Variants in TSC22D2 observed in about 807,000 individuals in gnomAD.
TSC22D2 encodes the protein TSC22 domain family protein 2.
Under a neutral mutation model 50.1 loss-of-function variants are expected in TSC22D2, and 5 were observed. The ratio of observed to expected loss-of-function variants is 0.10; its 90% confidence interval spans 0.05 to 0.21. The LOEUF (loss-of-function observed/expected upper bound fraction) is 0.21. Ranked by LOEUF, TSC22D2 falls within the 10% of genes least tolerant of loss-of-function variation. TSC22D2 has a pLI of 1.00. For missense variants in TSC22D2, 1,003 were observed against 1,015.5 expected, an observed-to-expected ratio of 0.99 and a Z score of 0.17; for synonymous variants, 501 against 450.1, an observed-to-expected ratio of 1.11 and a Z score of -1.43.
intron 1 of TSC22D2, among the ~76,000 whole-genome samples, chr3:150,455,230 G>A (rs1006125822): frequency 6.6e-6 from 1 of 152,174 alleles, no homozygotes; most frequent in Non-Finnish European, 1.5e-5. Flanking sequence ...AGTATTTGTG[G>A]TGAATATGTC....
intron 1 of TSC22D2, among the ~76,000 whole-genome samples, chr3:150,451,907 CTCTGTCACCCAGGCTGGA>C (rs1275705215): frequency 5.9e-5 from 9 of 152,102 alleles, no homozygotes; most frequent in Non-Finnish European, 8.8e-5. Flanking sequence ...ACAGATCTGG[CTCTGTCACCCAGGCTGGA>C]GTGCAGTAAT....
chr3:150,446,608 C>T (rs986049108), intron 1 of TSC22D2, among the ~76,000 whole-genome samples: 3 of 152,118 alleles, frequency 2.0e-5, no homozygotes, highest in Non-Finnish European at 2.9e-5. Flanking sequence ...AAAGACTAGG[C>T]TTTCCCCCCA....
At position 150,409,564 on chromosome 3, in the gene TSC22D2, C is replaced by T. The variant is rs1719418649; in HGVS notation, c.214C>T (p.Leu72Phe). The T allele has an allele frequency of 1.2e-6, 2 of 1,601,298 alleles. No homozygotes were observed. Among genetic ancestry groups the T allele is most frequent in the Admixed American group, 3.3e-5 (2 of 59,734 alleles). ...CGAGCGCAGCTCTTCCGAAGAGACGCTTAACAATGTTGGGGATGCGGAGAC... is the reference window on the plus strand; with the variant it reads ...CGAGCGCAGCTCTTCCGAAGAGACGTTTAACAATGTTGGGGATGCGGAGAC... ...VCERSSSEETLNNVGDAETPG... is the reference protein window; with the variant it reads ...VCERSSSEETFNNVGDAETPG... The change falls in exon 1 of 3, where the codon CTT becomes TTT. Residue 72 changes from leucine to phenylalanine, a missense_variant. This residue lies in a region of TSC22D2 where 200 missense variants were observed against 182.8 expected (regional missense o/e 1.09). Coordinates refer to ENST00000688009, the MANE Select transcript of TSC22D2 (RefSeq NM_001303264.2). The surrounding 1 kb of genome is among the most constrained non-coding windows in gnomAD (Gnocchi z 7.4).
chr3:150,443,332 A>G (rs151243639), intron 1 of TSC22D2, among the ~76,000 whole-genome samples: 1 of 152,240 alleles, frequency 6.6e-6, no homozygotes, highest in Non-Finnish European at 1.5e-5. Context: ...AACTGGGTAC[A>G]TCCTCTAGAT....
At chr3:150,424,721 T>G (rs1372247179) in intron 1 of TSC22D2, among the ~76,000 whole-genome samples, 2 of 152,210 alleles carry the variant, frequency 1.3e-5, no homozygotes, top group Non-Finnish European at 2.9e-5. Context: ...CTCTCCTCCT[T>G]GGAGCCTGTT....
intron 1 of TSC22D2, among the ~76,000 whole-genome samples, chr3:150,435,732 T>C (rs915430490): frequency 4.6e-5 from 7 of 152,180 alleles, no homozygotes; most frequent in Non-Finnish European, 1.0e-4. Flanking sequence ...ATTTAGCATA[T>C]CCATTTTCAA....
chr3:150,426,617 G>C (rs559958067), intron 1 of TSC22D2, among the ~76,000 whole-genome samples: 1 of 152,294 alleles, frequency 6.6e-6, no homozygotes, highest in African/African-American at 2.4e-5. Context: ...ATAAGCACTT[G>C]CAGGGCTTTT....
intron 1 of TSC22D2, among the ~76,000 whole-genome samples, chr3:150,411,662 C>A (rs988333796): frequency 2.0e-5 from 3 of 152,048 alleles, no homozygotes; most frequent in Admixed American, 6.6e-5. Context: ...ACACGTAAGG[C>A]AGAGAGATTT....
chr3:150,452,758 GC>G (rs1480465927), intron 1 of TSC22D2, among the ~76,000 whole-genome samples: 2 of 152,116 alleles, frequency 1.3e-5, no homozygotes, highest in Non-Finnish European at 2.9e-5. Context: ...TTATTTTGGA[GC>G]AGCAATTCCA....
Position 150,464,165 on chromosome 3 carries a change from A to T in TSC22D2, c.*5529A>T, listed in dbSNP as rs1721491680. 1.3e-5 allele frequency: 2 copies of T among 152,172 alleles called. No homozygotes were observed. The highest frequency in any genetic ancestry group is 2.9e-5 in the Non-Finnish European group (2 of 68,032). The allele number at this position is 152,172 out of a possible 1,614,324, so 9.4% of individuals were successfully genotyped here. ...TGCATGCCTACAATATTTCCATATA[A>T]CAACTGTAAAATACTCTTGCCTGCT... On this transcript the variant is annotated 3_prime_UTR_variant, in exon 3 of 3. Transcript: ENST00000688009.
intron 1 of TSC22D2, among the ~76,000 whole-genome samples, chr3:150,411,734 A>G (rs904271594): frequency 2.7e-5 from 4 of 149,364 alleles, no homozygotes; most frequent in Non-Finnish European, 6.0e-5. Flanking sequence ...CTGGAAAACC[A>G]GAAGGTCCTC....
chr3:150,421,521 A>C (rs1720008434), intron 1 of TSC22D2, among the ~76,000 whole-genome samples: 1 of 152,212 alleles, frequency 6.6e-6, no homozygotes, highest in South Asian at 2.1e-4. Context: ...TAGCAGGTCT[A>C]ATCAGTGCCT....
chr3:150,454,455 T>G (rs977909011), intron 1 of TSC22D2, among the ~76,000 whole-genome samples: 1 of 152,202 alleles, frequency 6.6e-6, no homozygotes, highest in Non-Finnish European at 1.5e-5. Context: ...TTCTTAATTT[T>G]TCCTCCTATA....
chr3:150,447,397 C>G (rs990181048), intron 1 of TSC22D2, among the ~76,000 whole-genome samples: 5 of 152,048 alleles, frequency 3.3e-5, no homozygotes, highest in African/African-American at 1.2e-4. Flanking sequence ...TGCATTCTTA[C>G]AACTTTCAAA....
At chr3:150,452,297 T>C (rs940718080) in intron 1 of TSC22D2, among the ~76,000 whole-genome samples, 3 of 151,722 alleles carry the variant, frequency 2.0e-5, no homozygotes. Context: ...AATACAAAAT[T>C]AGCAGGGCAT....
At chr3:150,439,722 A>AG (rs560070496) in intron 1 of TSC22D2, among the ~76,000 whole-genome samples, 278 of 152,250 alleles carry the variant, frequency 1.8e-3, no homozygotes, top group African/African-American at 6.4e-3. Context: ...AAAACAGTTA[A>AG]GAAACATTGC....
At chr3:150,432,613 C>T (rs922733256) in intron 1 of TSC22D2, among the ~76,000 whole-genome samples, 2 of 151,166 alleles carry the variant, frequency 1.3e-5, no homozygotes, top group African/African-American at 4.9e-5. Flanking sequence ...AATAACTGAA[C>T]TTGTTCAGAC....
rs71138443 is a variant in TSC22D2 at position 150,431,224 on chromosome 3, C to CAAAAAAA, written c.1958+19937_1958+19943dup. ...TGGGTGACAGAGTGAGGCTCTGTCTCAAAAAAAAAAAAAAAAAAAAAAAAA... is the reference window on the plus strand; with the variant it reads ...TGGGTGACAGAGTGAGGCTCTGTCTCAAAAAAAAAAAAAAAAAAAAAAAAAAAAAAAA... On this transcript the variant is annotated intron_variant, in intron 1 of 2. Coordinates refer to ENST00000688009, the MANE Select transcript of TSC22D2 (RefSeq NM_001303264.2). Among the ~76,000 whole-genome samples, 35 of 27,960 alleles carry CAAAAAAA rather than the reference C, an allele frequency of 1.3e-3. 4 individuals are homozygous for CAAAAAAA. Among genetic ancestry groups the CAAAAAAA allele is most frequent in the African/African-American group, 3.8e-3 (23 of 6,084 alleles). The allele number at this position is 27,960 out of a possible 152,430, so 18.3% of individuals were successfully genotyped here.
rs1183952458 is a variant in TSC22D2, at chr3:150,458,570, A to C, written c.2205A>C (p.Gln735His). The C allele has an allele frequency of 1.9e-6, 3 of 1,614,174 alleles. No individual in the cohort carries two copies. Among genetic ancestry groups the C allele is most frequent in the Non-Finnish European group, 2.5e-6 (3 of 1,180,026 alleles). The change falls in exon 3 of 3, where the codon CAA (glutamine) becomes CAC (histidine). Residue 735 changes from glutamine to histidine, a missense_variant. Coordinates refer to ENST00000688009, the MANE Select transcript of TSC22D2 (RefSeq NM_001303264.2). Reference sequence around the variant, plus strand: ...ATCCTGGTAGCACTTCTCAACAGCAAGCAGTGATAGCACAGCCTCCGCAGC... The same window carrying C: ...ATCCTGGTAGCACTTCTCAACAGCACGCAGTGATAGCACAGCCTCCGCAGC... ...QANPGSTSQQ[Q>H]AVIAQPPQPT...
Sources: allele counts gnomAD v4.1 joint callset (sites outside exome capture counted in the v4.1 genomes callset), GRCh38; gene constraint gnomAD v4.1.1; regional missense constraint gnomAD v4.1.1; non-coding constraint Gnocchi (gnomAD v3.1); transcripts MANE v1.5; gene names NCBI Gene and HGNC (gene_info 2026-07-23, HGNC 2026-07-21).